Variants in SLMAP observed in about 807,000 individuals in gnomAD.
SLMAP encodes the protein sarcolemma associated protein, also known as sarcolemmal membrane-associated protein.
Under a neutral mutation model 128.8 loss-of-function variants are expected in SLMAP, and 44 were observed. The ratio of observed to expected loss-of-function variants is 0.34; its 90% CI spans 0.27 to 0.44. The LOEUF (loss-of-function observed/expected upper bound fraction) is 0.44. Ranked by LOEUF, SLMAP falls within the 20% of genes least tolerant of loss-of-function variation. The probability of loss-of-function intolerance (pLI) is 1.00; values close to 1 mark genes in which losing one functional copy is unlikely to be tolerated. For missense variants in SLMAP, 787 were observed against 985.3 expected (o/e 0.80, Z 2.69); for synonymous variants, 327 against 348.8 (o/e 0.94, Z 0.70).
At chr3:57,823,026 C>T (rs551519239) in intron 2 of SLMAP, among the ~76,000 whole-genome samples, 37 of 152,226 alleles carry the variant, frequency 2.4e-4, no homozygotes, top group African/African-American at 8.9e-4. Flanking sequence ...GAGAAGGGAG[C>T]CTGATTTCCA....
intron 19 of SLMAP, among the ~76,000 whole-genome samples, chr3:57,911,533 A>G (rs2096697359): frequency 6.6e-6 from 1 of 152,154 alleles, no homozygotes; most frequent in Non-Finnish European, 1.5e-5. Flanking sequence ...AAATCTATAT[A>G]ACCCTTCAAT....
Position 57,927,813 on chromosome 3 carries a change from G to C in SLMAP, c.*524G>C, listed in dbSNP as rs567200028. The C allele has an allele frequency of 1.3e-5, 2 of 153,022 alleles. No homozygotes were observed. The highest frequency in any genetic ancestry group is 4.8e-5 in the African/African-American group (2 of 41,532). 9.5% of individuals were successfully genotyped at this position (153,022 alleles called of 1,614,324 possible). A position where few individuals can be genotyped will look rare whatever the true frequency, so the allele number is the denominator to read the frequency against. On this transcript the variant is annotated 3_prime_UTR_variant, in exon 25 of 25. Transcript: ENST00000671191. ...ATACATACATGGGAAGAGAGGCCCT[G>C]TGTGCTCAGTGCCTATCAGTTTGAA...
chr3:57,831,670 G>A (rs1457694501), intron 3 of SLMAP, 140 bp downstream of exon 3: 9 of 521,116 alleles, frequency 1.7e-5, no homozygotes, highest in Middle Eastern at 3.5e-4. Flanking sequence ...AAAGTTAAAA[G>A]TCTCATACTT....
rs2096826213 is a variant in SLMAP, at chr3:57,916,978, T to G, written c.2211T>G (p.Asn737Lys). ...ILQMSRKELE[N>K]QVGSLKEQHL... ...AAATGTCTAGGAAAGAACTTGAGAA[T>G]CAAGTGGGATCCTTGAAAGAACAGC... Residue 737 changes from asparagine to lysine, a missense_variant, in exon 22 of 25, where the codon AAT becomes AAG. By Grantham distance (94) the Asn-to-Lys change is moderately conservative. Transcript: ENST00000671191. The G allele has an allele frequency of 6.2e-7, 1 of 1,613,790 alleles. No individual in the cohort carries two copies. Among genetic ancestry groups the G allele is most frequent in the African/African-American group, 1.3e-5 (1 of 74,892 alleles).
chr3:57,774,687 G>C (rs1332347818), intron 2 of SLMAP, among the ~76,000 whole-genome samples: 1 of 151,798 alleles, frequency 6.6e-6, no homozygotes, highest in African/African-American at 2.4e-5. Flanking sequence ...ACCACACCCG[G>C]CTAATTTTTG....
At chr3:57,835,116 T>A (rs1425747492) in intron 3 of SLMAP, among the ~76,000 whole-genome samples, 1 of 79,620 alleles carries the variant, frequency 1.3e-5, no homozygotes, top group South Asian at 5.5e-4. Context: ...AGCCAGACCC[T>A]GTCTCAAAAA....
chr3:57,817,223 T>C (rs989438263), intron 2 of SLMAP, among the ~76,000 whole-genome samples: 1 of 152,200 alleles, frequency 6.6e-6, no homozygotes, highest in Admixed American at 6.5e-5. Context: ...AAAGGCAGTA[T>C]GCAATTGAGA....
At chr3:57,904,931 G>T (rs566709503) in intron 17 of SLMAP, among the ~76,000 whole-genome samples, 1 of 152,308 alleles carries the variant, frequency 6.6e-6, no homozygotes, top group East Asian at 1.9e-4. Context: ...GCTGGGCATG[G>T]TGGCACGTGC....
intron 2 of SLMAP, among the ~76,000 whole-genome samples, chr3:57,787,616 C>T (rs1226566764): frequency 1.3e-5 from 2 of 152,190 alleles, no homozygotes; most frequent in African/African-American, 4.8e-5. Flanking sequence ...GCTGGGATTA[C>T]AGGCATGCGC....
chr3:57,891,901 A>G (rs956062173), intron 15 of SLMAP, among the ~76,000 whole-genome samples: 1 of 151,974 alleles, frequency 6.6e-6, no homozygotes, highest in Non-Finnish European at 1.5e-5. Flanking sequence ...TAAAGAACAA[A>G]TTGGACTAAT....
chr3:57,861,131 G>A (rs1261411010), intron 9 of SLMAP, among the ~76,000 whole-genome samples: 1 of 152,120 alleles, frequency 6.6e-6, no homozygotes, highest in African/African-American at 2.4e-5. Flanking sequence ...ATGTGCTGGG[G>A]AATTGATTTC....
chr3:57,834,982 C>T (rs1247833244), intron 3 of SLMAP, among the ~76,000 whole-genome samples: 1 of 151,116 alleles, frequency 6.6e-6, no homozygotes, highest in Non-Finnish European at 1.5e-5. Context: ...ATCAGCTGGG[C>T]GTGGTGGCGC....
rs537444516 is a variant in SLMAP at position 57,912,679 on chromosome 3, A to G, written c.1998A>G (p.Arg666=). The part of the protein sequence containing the change: ...LRCQQCEDQQ[R]EEATRLQGEL... The stretch of plus-strand genomic sequence containing the variant: ...GTCAACAGTGTGAGGACCAGCAGAG[A>G]GAAGAAGCAACAAGGTTGCAAGGTG... The change falls in exon 20 of 25, where the codon AGA becomes AGG. Residue 666 remains arginine (R), a synonymous_variant. Transcript: ENST00000671191. 3.1e-6 allele frequency: 5 copies of G among 1,611,758 alleles called. No individual in the cohort carries two copies. The East Asian group carries it at 1.1e-4, about 36-fold the overall frequency.
chr3:57,776,068 C>A (rs2081878015), intron 2 of SLMAP, among the ~76,000 whole-genome samples: 1 of 152,156 alleles, frequency 6.6e-6, no homozygotes, highest in South Asian at 2.1e-4. Context: ...CTTCTGGAAT[C>A]AATGCCATAG....
At chr3:57,925,520 A>G (rs2096991966) in intron 23 of SLMAP, among the ~76,000 whole-genome samples, 1 of 148,592 alleles carries the variant, frequency 6.7e-6, no homozygotes, top group African/African-American at 2.5e-5. Context: ...TAGAGACAGC[A>G]TTTCACCATG....
chr3:57,906,656 C>A (rs2096572770), intron 17 of SLMAP, among the ~76,000 whole-genome samples: 2 of 77,396 alleles, frequency 2.6e-5, no homozygotes, highest in South Asian at 4.5e-4. Context: ...AGGATATAAT[C>A]TATGAATATG....
chr3:57,906,679 A>T (rs985409667), intron 17 of SLMAP, among the ~76,000 whole-genome samples: 2 of 5,806 alleles, frequency 3.4e-4, no homozygotes, highest in Non-Finnish European at 1.3e-3. Context: ...AAAAAAATAT[A>T]TATATATATA....
chr3:57,849,813 A>G lies in SLMAP; in HGVS notation c.516A>G (p.Leu172=). Residue 172 remains leucine (L), a synonymous_variant, in exon 6 of 25, where the codon CTA becomes CTG. Coordinates refer to ENST00000671191, the MANE Select transcript of SLMAP (RefSeq NM_001377540.1). The part of the protein sequence containing the change: ...SQELFQLSQY[L]QEALHREQML... Reference sequence around the variant, plus strand: ...AACTATTCCAGCTTTCTCAGTATCTACAGGTAAAAGTACATCTTGAGACTT... The same window carrying G: ...AACTATTCCAGCTTTCTCAGTATCTGCAGGTAAAAGTACATCTTGAGACTT... 1.3e-6 allele frequency: 2 copies of G among 1,517,642 alleles called. No homozygotes were observed. Among genetic ancestry groups the G allele is most frequent in the Non-Finnish European group, 1.8e-6 (2 of 1,092,066 alleles). 94.0% of individuals were successfully genotyped at this position (1,517,642 alleles called of 1,614,324 possible). A position where few individuals can be genotyped will look rare whatever the true frequency, so the allele number is the denominator to read the frequency against.
intron 2 of SLMAP, among the ~76,000 whole-genome samples, chr3:57,765,054 TAA>T (rs10566345): frequency 0.017 from 2,566 of 152,222 alleles, 63 homozygotes; most frequent in African/African-American, 0.059. Flanking sequence ...TTAGGACTTT[TAA>T]AAAGAGGAAG....
Sources: allele counts gnomAD v4.1 joint callset (sites outside exome capture counted in the v4.1 genomes callset), GRCh38; gene constraint gnomAD v4.1.1; transcripts MANE v1.5; gene names NCBI Gene and HGNC (gene_info 2026-07-23, HGNC 2026-07-21).